Variants in NAA11 observed in about 807,000 individuals in gnomAD.
The protein encoded by NAA11 is N-alpha-acetyltransferase 11, NatA catalytic subunit.
In NAA11, 15 loss-of-function variants were observed where a neutral mutation model predicts 16.1. The observed-to-expected ratio is 0.93, with a 90% CI of 0.62 to 1.44. NAA11 has a LOEUF of 1.44. Ranked by LOEUF, NAA11 falls within the 40% of genes most tolerant of loss-of-function variation. The probability of loss-of-function intolerance (pLI) is 0.00; values close to 1 mark genes in which losing one functional copy is unlikely to be tolerated. For missense variants in NAA11, 298 were observed against 291.3 expected, an observed-to-expected ratio of 1.02 and a Z score of -0.17; for synonymous variants, 122 against 112.4, an observed-to-expected ratio of 1.09 and a Z score of -0.54.
At chr4:79,273,838 A>T (rs939252822) in intron 2 of NAA11, among the ~76,000 whole-genome samples, 1 of 152,044 alleles carries the variant, frequency 6.6e-6, no homozygotes, top group Admixed American at 6.6e-5. Flanking sequence ...TCATCAGGCT[A>T]TTTGCAAGTC....
At chr4:79,241,590 T>C (rs956953742) in intron 2 of NAA11, among the ~76,000 whole-genome samples, 1 of 152,222 alleles carries the variant, frequency 6.6e-6, no homozygotes, top group Non-Finnish European at 1.5e-5. Context: ...TTTTATATAC[T>C]AGTCGGTGGA....
At chr4:79,234,135 A>G (rs933035840) in intron 2 of NAA11, among the ~76,000 whole-genome samples, 1 of 152,134 alleles carries the variant, frequency 6.6e-6, no homozygotes, top group Non-Finnish European at 1.5e-5. Context: ...CAATAAATAA[A>G]ACAAGTCTTC....
chr4:79,168,576 G>C, the NAA11 span, among the ~76,000 whole-genome samples: 1 of 152,142 alleles, frequency 6.6e-6, no homozygotes, highest in African/African-American at 2.4e-5. Context: ...ACTAGCGTGA[G>C]ATGGTATCTC....
At chr4:79,303,074 T>TAGA (rs1560462860) in intron 1 of NAA11, among the ~76,000 whole-genome samples, 36 of 72,280 alleles carry the variant, frequency 5.0e-4, no homozygotes, top group African/African-American at 2.6e-3. Context: ...TCTTGAGGCC[T>TAGA]TTTATATATA....
the NAA11 span, among the ~76,000 whole-genome samples, chr4:79,156,021 C>G: frequency 6.6e-6 from 1 of 152,144 alleles, no homozygotes; most frequent in Non-Finnish European, 1.5e-5. Context: ...GCTATCTCAT[C>G]TTAGTGGAGT....
At chr4:79,170,324 A>G in the NAA11 span, among the ~76,000 whole-genome samples, 2 of 152,140 alleles carry the variant, frequency 1.3e-5, no homozygotes, top group Non-Finnish European at 2.9e-5. Context: ...TCTTGCTTCC[A>G]CCTGGCTCTC....
chr4:79,232,459 C>A (rs1032438821), intron 2 of NAA11, among the ~76,000 whole-genome samples: 3 of 151,910 alleles, frequency 2.0e-5, no homozygotes, highest in Non-Finnish European at 4.4e-5. Context: ...TCACAGCATT[C>A]TTCAGAAGCA....
chr4:79,200,748 G>A, the NAA11 span, among the ~76,000 whole-genome samples: 2 of 151,752 alleles, frequency 1.3e-5, no homozygotes, highest in African/African-American at 2.4e-5. Context: ...TTCTTCCAGT[G>A]AGACCCTACC....
the NAA11 span, among the ~76,000 whole-genome samples, chr4:79,199,254 T>G: frequency 2.0e-5 from 3 of 151,942 alleles, no homozygotes; most frequent in Non-Finnish European, 4.4e-5. Context: ...ATACCTCCAC[T>G]TATACACTTA....
chr4:79,189,362 A>T, the NAA11 span, among the ~76,000 whole-genome samples: 1 of 151,992 alleles, frequency 6.6e-6, no homozygotes. Flanking sequence ...TCTAAAAGGG[A>T]TGGCTAGATG....
At chr4:79,258,344 G>A (rs895886291) in intron 2 of NAA11, among the ~76,000 whole-genome samples, 21 of 152,382 alleles carry the variant, frequency 1.4e-4, no homozygotes, top group African/African-American at 4.3e-4. Flanking sequence ...CTTTGCGGGG[G>A]CTGGGAAGGC....
At chr4:79,223,991 T>G (rs140557357), downstream of NAA11, among the ~76,000 whole-genome samples, 733 of 152,296 alleles carry the variant, frequency 4.8e-3, 2 homozygotes, top group Middle Eastern at 0.034. Context: ...TAGTTTCTGT[T>G]TTATCCTTTC....
the NAA11 span, among the ~76,000 whole-genome samples, chr4:79,195,151 G>A: frequency 5.3e-5 from 8 of 152,082 alleles, no homozygotes; most frequent in Admixed American, 1.3e-4. Flanking sequence ...ATGAAATAAT[G>A]TTAATGGGCA....
the NAA11 span, among the ~76,000 whole-genome samples, chr4:79,219,972 A>G: frequency 6.6e-6 from 1 of 152,220 alleles, no homozygotes; most frequent in African/African-American, 2.4e-5. Context: ...GCTTTCTAAC[A>G]TAATAAACTA....
chr4:79,306,295 C>T (rs75524622), intron 1 of NAA11, among the ~76,000 whole-genome samples: 1 of 152,140 alleles, frequency 6.6e-6, no homozygotes, highest in Non-Finnish European at 1.5e-5. Flanking sequence ...AATATATAGT[C>T]TCACAGTTTG....
downstream of NAA11, among the ~76,000 whole-genome samples, chr4:79,315,085 G>A (rs951461496): frequency 6.6e-6 from 1 of 151,910 alleles, no homozygotes; most frequent in Admixed American, 6.6e-5. Context: ...CCAAGGGTTG[G>A]AGATGAGCTT....
At chr4:79,241,072 G>T (rs967449108) in intron 2 of NAA11, among the ~76,000 whole-genome samples, 4 of 152,052 alleles carry the variant, frequency 2.6e-5, no homozygotes, top group African/African-American at 9.7e-5. Context: ...AATAACATAG[G>T]TTTGAACTGT....
At chr4:79,251,210 C>G (rs1411492676) in intron 2 of NAA11, among the ~76,000 whole-genome samples, 1 of 152,060 alleles carries the variant, frequency 6.6e-6, no homozygotes, top group Non-Finnish European at 1.5e-5. Flanking sequence ...CAATAGGAAA[C>G]ACATGAAATC....
chr4:79,199,299 C>T, the NAA11 span, among the ~76,000 whole-genome samples: 1 of 151,738 alleles, frequency 6.6e-6, no homozygotes, highest in Non-Finnish European at 1.5e-5. Flanking sequence ...AAAAATAGTC[C>T]AAGCAAGGCT....
Sources: gnomAD v4.1 joint callset for allele counts (sites outside exome capture counted in the v4.1 genomes callset) on GRCh38, gnomAD v4.1.1 for gene constraint, MANE v1.5 for transcripts, NCBI Gene and HGNC (gene_info 2026-07-23, HGNC 2026-07-21) for gene names.